Variants in TPR observed in about 807,000 individuals in gnomAD.
TPR encodes the protein translocated promoter region, nuclear basket protein.
In TPR, 51 loss-of-function variants were observed where a neutral mutation model predicts 316.1. The ratio of observed to expected loss-of-function variants is 0.16; its 90% CI spans 0.13 to 0.20. The LOEUF (loss-of-function observed/expected upper bound fraction) is 0.20, where lower values mean the gene tolerates loss of function less well. Ranked by LOEUF, TPR falls within the 10% of genes least tolerant of loss-of-function variation. The probability of loss-of-function intolerance (pLI) is 1.00; values close to 1 mark genes in which losing one functional copy is unlikely to be tolerated. For missense variants in TPR, 2,272 were observed against 2,754.8 expected, an observed-to-expected ratio of 0.82 and a Z score of 3.92; for synonymous variants, 981 against 914.7, an observed-to-expected ratio of 1.07 and a Z score of -1.31.
chr1:186,351,281 TTAC>T (rs1466681457), intron 20 of TPR, 46 bp downstream of exon 20: 2 of 1,525,272 alleles, frequency 1.3e-6, no homozygotes, highest in Middle Eastern at 3.5e-4. Context: ...ACCAGATTAA[TTAC>T]TGAACATAAA....
chr1:186,364,574 T>C (rs1221282123), intron 4 of TPR, among the ~76,000 whole-genome samples: 1 of 152,142 alleles, frequency 6.6e-6, no homozygotes, highest in Non-Finnish European at 1.5e-5. Context: ...AGTTATTATA[T>C]GACAACTAAA....
Position 186,313,802 on chromosome 1 carries a change from A to T in TPR, c.*169T>A. ...AGACTGATGAGCAAAGGAGGAGTCA[A>T]CTAATGAAGAAATGAATAATAAATT... On this transcript the variant is annotated 3_prime_UTR_variant, in exon 51 of 51. Transcript: ENST00000367478. 2 of 1,547,276 alleles carry T rather than the reference A, an allele frequency of 1.3e-6. No individual in the cohort carries two copies. The highest frequency in any genetic ancestry group is 1.8e-6 in the Non-Finnish European group (2 of 1,119,470).
intron 42 of TPR, 40 bp from the exon 43 acceptor site, chr1:186,323,910 T>C (rs566653035): frequency 6.6e-7 from 1 of 1,514,204 alleles, no homozygotes; most frequent in South Asian, 1.4e-5. Context: ...CTGCTAAATT[T>C]ACCACAAAAA....
In TPR at chr1:186,326,465, C is replaced by T. The variant is rs979553220; in HGVS notation, c.5890-230G>A. On this transcript the variant is annotated intron_variant, in intron 40 of 50. Coordinates refer to ENST00000367478, the MANE Select transcript of TPR (RefSeq NM_003292.3). ...AATTCTAACTGTTTGCATGAGATTG[C>T]TCAAAGATAATATAGACCTCAGGTG... 2.0e-5 allele frequency among the ~76,000 whole-genome samples: 3 copies of T among 151,988 alleles called. No homozygotes were observed. The South Asian group carries it at 6.2e-4, about 32-fold the overall frequency.
chr1:186,339,521 T>C (rs1379149870), intron 30 of TPR, 121 bp downstream of exon 30: 9 of 730,096 alleles, frequency 1.2e-5, no homozygotes, highest in African/African-American at 3.7e-5. Context: ...AAGTCAGATA[T>C]AGGTGCTCTA....
chr1:186,361,206 T>A (rs1372204222), intron 9 of TPR, among the ~76,000 whole-genome samples: 1 of 151,974 alleles, frequency 6.6e-6, no homozygotes, highest in African/African-American at 2.4e-5. Context: ...TAAAGGAAAT[T>A]ATTGGAAAAG....
chr1:186,338,313 A>G (rs539518468), intron 30 of TPR, 70 bp from the exon 31 acceptor site: 1 of 1,287,512 alleles, frequency 7.8e-7, no homozygotes, highest in Non-Finnish European at 1.1e-6. Context: ...AGTCCAATGT[A>G]ACTTTATGTT....
In TPR at chr1:186,311,878, C is replaced by T; in HGVS notation, c.*2093G>A. 1.8e-6 allele frequency: 1 copy of T among 553,118 alleles called. No individual in the cohort carries two copies. Among genetic ancestry groups the T allele is most frequent in the Non-Finnish European group, 3.2e-6 (1 of 313,724 alleles). The allele number at this position is 553,118 out of a possible 1,614,324, so 34.3% of individuals were successfully genotyped here. ...ATGTCATCCTTGCACAAGGGCCATG[C>T]TAATCTCTGTATCATTCCAGTTTTA... On this transcript the variant is annotated 3_prime_UTR_variant, in exon 51 of 51. Transcript: ENST00000367478.
chr1:186,327,060 A>AT lies in TPR; in HGVS notation c.5889+399dup, dbSNP rs1408028849. 5.9e-4 allele frequency among the ~76,000 whole-genome samples: 5 copies of AT among 8,486 alleles called. 2 individuals carry two copies. The highest frequency in any genetic ancestry group is 6.0e-3 in the South Asian group (2 of 332). 5.6% of individuals were successfully genotyped at this position (8,486 alleles called of 152,430 possible). A position where few individuals can be genotyped will look rare whatever the true frequency, so the allele number is the denominator to read the frequency against. ...ATATATATAAATATATAACATATAT[A>AT]TTATATATAAATATATATAAATATA... On this transcript the variant is annotated intron_variant, in intron 40 of 50. Transcript: ENST00000367478.
At position 186,349,838 on chromosome 1, in the gene TPR, T is replaced by G. The variant is rs371324188; in HGVS notation, c.2776+385A>C. Among the ~76,000 whole-genome samples, 53 of 152,258 alleles carry G rather than the reference T, an allele frequency of 3.5e-4. No homozygotes were observed. In the East Asian group the frequency reaches 0.01, roughly 29 times the overall value. Reference sequence around the variant, plus strand: ...ATACTGCTTTAAAGGAGATCACAAATCAACTCATTCTTTAAGAGAAACTTA... The same window carrying G: ...ATACTGCTTTAAAGGAGATCACAAAGCAACTCATTCTTTAAGAGAAACTTA... On this transcript the variant is annotated intron_variant, in intron 21 of 50. Coordinates refer to ENST00000367478, the MANE Select transcript of TPR (RefSeq NM_003292.3).
At position 186,374,963 on chromosome 1, in the gene TPR, C is replaced by G. The variant is rs763475750; in HGVS notation, c.66G>C (p.Gln22His). The G allele has an allele frequency of 6.2e-7, 1 of 1,613,782 alleles. No individual in the cohort carries two copies. Among genetic ancestry groups the G allele is most frequent in the African/African-American group, 1.3e-5 (1 of 74,920 alleles). Residue 22 changes from glutamine (Q) to histidine (H), a missense_variant, in exon 1 of 51, where the codon CAG becomes CAC. Gln to His is a conservative substitution (Grantham distance 24, BLOSUM62 0). Around this residue, in one of 10 missense-constraint regions of TPR, gnomAD observed 549 missense variants for 598.6 expected, o/e 0.92. Transcript: ENST00000367478. ...CAGCAAGGAACTTTTCAAGTTTGTT[C>G]TGGACAGACTTGGGCAGCTTGTTCA... ...TELNKLPKSV[Q>H]NKLEKFLADQ... is the part of the protein sequence containing the mutation.
intron 45 of TPR, among the ~76,000 whole-genome samples, chr1:186,321,769 T>C (rs915945326): frequency 3.3e-5 from 5 of 150,386 alleles, no homozygotes; most frequent in Non-Finnish European, 7.3e-5. Context: ...CTACATTGTT[T>C]ACATTACAGT....
At chr1:186,318,393 A>C (rs1459366733) in intron 48 of TPR, 54 bp downstream of exon 48, 1 of 1,545,444 alleles carries the variant, frequency 6.5e-7, no homozygotes, top group Non-Finnish European at 8.7e-7. Flanking sequence ...AGGAAAACAA[A>C]TGTACAAGTC....
At chr1:186,314,232 CA>C in intron 50 of TPR, 1 of 497,870 alleles carries the variant, frequency 2.0e-6, no homozygotes, top group Non-Finnish European at 3.5e-6. Context: ...TATTGGAAAA[CA>C]TGGAAATATT....
chr1:186,368,681 T>C (rs1659415396), intron 3 of TPR, among the ~76,000 whole-genome samples: 1 of 152,232 alleles, frequency 6.6e-6, no homozygotes, highest in African/African-American at 2.4e-5. Flanking sequence ...GTTAGAAATA[T>C]CTATCTCAAG....
intron 49 of TPR, among the ~76,000 whole-genome samples, chr1:186,316,991 C>T (rs1488432821): frequency 6.6e-6 from 1 of 152,146 alleles, no homozygotes; most frequent in Non-Finnish European, 1.5e-5. Context: ...AAATTTCAAA[C>T]AATTTTTTTA....
At chr1:186,318,873 A>C (rs753584934) in intron 46 of TPR, 45 bp from the exon 47 acceptor site, 1 of 1,574,948 alleles carries the variant, frequency 6.3e-7, no homozygotes, top group Non-Finnish European at 8.7e-7. Context: ...AAAAAACATA[A>C]AATTATCAAC....
intron 34 of TPR, 49 bp from the exon 35 acceptor site, chr1:186,335,178 C>A: frequency 6.4e-7 from 1 of 1,571,120 alleles, no homozygotes; most frequent in Non-Finnish European, 8.6e-7. Flanking sequence ...CAAGAGTCCA[C>A]TAAAAATGCC....
At chr1:186,373,539 T>A (rs932568867) in intron 1 of TPR, 76 bp from the exon 2 acceptor site, 4 of 821,648 alleles carry the variant, frequency 4.9e-6, no homozygotes, top group Admixed American at 4.9e-5. Flanking sequence ...TATTTATTTC[T>A]AATAACCTTG....
Sources: gnomAD v4.1 joint callset for allele counts (sites outside exome capture counted in the v4.1 genomes callset) on GRCh38, gnomAD v4.1.1 for gene constraint, gnomAD v4.1.1 regional missense constraint, MANE v1.5 for transcripts, NCBI Gene and HGNC (gene_info 2026-07-23, HGNC 2026-07-21) for gene names.